DOCK10: variants seen among roughly 807,000 people sequenced by gnomAD.
DOCK10 encodes dedicator of cytokinesis 10.
In DOCK10, 145 loss-of-function variants were observed where a neutral mutation model predicts 280.1. That is an observed-to-expected ratio of 0.52 (90% CI 0.45 to 0.59). The LOEUF is 0.59. Among genes scored for constraint, DOCK10 ranks in the 20% least tolerant of loss-of-function variants. The pLI is 0.00. For synonymous variants in DOCK10, 915 were observed against 942.2 expected (o/e 0.97, Z 0.53); for missense variants, 2,368 against 2,651.7 (o/e 0.89, Z 2.35).
At chr2:224,955,850 T>A (rs1415650590) in intron 1 of DOCK10, among the ~76,000 whole-genome samples, 1 of 152,192 alleles carries the variant, frequency 6.6e-6, no homozygotes, top group Non-Finnish European at 1.5e-5. Context: ...CAAGAAGAAC[T>A]GAAATAGCAG....
intron 1 of DOCK10, among the ~76,000 whole-genome samples, chr2:224,946,413 AAAAT>A (rs1386584609): frequency 6.6e-6 from 1 of 152,200 alleles, no homozygotes; most frequent in East Asian, 1.9e-4. Context: ...TAAGAATTTT[AAAAT>A]AAATAATTAG....
chr2:224,770,278 T>G lies in DOCK10; in HGVS notation c.6377A>C (p.Tyr2126Ser). 6.2e-7 allele frequency: 1 copy of G among 1,605,842 alleles called. No homozygotes were observed. The highest frequency in any genetic ancestry group is 8.5e-7 in the Non-Finnish European group (1 of 1,176,174). Residue 2126 changes from tyrosine (Y) to serine (S), a missense_variant, in exon 55 of 56, where the codon TAC (tyrosine) becomes TCC (serine). Around this residue, in one of 2 missense-constraint regions of DOCK10, gnomAD observed 1,159 missense variants for 1,400.8 expected, o/e 0.83. Transcript: ENST00000258390. The surrounding 1 kb of genome is among the most constrained non-coding windows in gnomAD (Gnocchi z 4.5). ...ERLIKEDQLE[Y>S]QEELRSHYKD... ...GTAGTGGGACCTCAGTTCTTCCTGG[T>G]ACTCCAGCTGGTCCTCTTTGATGAG...
In DOCK10 at chr2:224,828,588, C is replaced by A. The variant is rs374158176; in HGVS notation, c.3036+1953G>T. On this transcript the variant is annotated intron_variant, in intron 27 of 55. Coordinates refer to ENST00000258390, the MANE Select transcript of DOCK10 (RefSeq NM_014689.3). Reference sequence around the variant, plus strand: ...CTAAGAAGGTGCTGGGGACCAATATCATTAAGAAGGTCAGGGGTGTTTCCC... The same window carrying A: ...CTAAGAAGGTGCTGGGGACCAATATAATTAAGAAGGTCAGGGGTGTTTCCC... Among the ~76,000 whole-genome samples the A allele has an allele frequency of 3.2e-4, 48 of 152,272 alleles. No homozygotes were observed. The South Asian group carries it at 8.5e-3, about 27-fold the overall frequency.
chr2:224,857,678 T>C (rs1697235017), intron 14 of DOCK10, among the ~76,000 whole-genome samples: 1 of 152,150 alleles, frequency 6.6e-6, no homozygotes, highest in Non-Finnish European at 1.5e-5. Flanking sequence ...TTGCTTCACA[T>C]AGGTACCATG....
At chr2:225,017,070 A>C (rs1458986796) in intron 1 of DOCK10, among the ~76,000 whole-genome samples, 2 of 148,636 alleles carry the variant, frequency 1.3e-5, no homozygotes, top group Non-Finnish European at 3.0e-5. Flanking sequence ...TTATATTTTT[A>C]AGTGTTGTAA....
At chr2:224,907,687 CAA>C (rs71062965) in intron 3 of DOCK10, among the ~76,000 whole-genome samples, 71,898 of 123,170 alleles carry the variant, frequency 0.58, 19,254 homozygotes, top group Admixed American at 0.65. Flanking sequence ...GACTCCACCT[CAA>C]AAAAAAAAAA....
intron 1 of DOCK10, among the ~76,000 whole-genome samples, chr2:225,038,222 A>G (rs930463376): frequency 4.6e-5 from 7 of 152,086 alleles, no homozygotes; most frequent in African/African-American, 1.7e-4. Context: ...ATTTGCTATC[A>G]CTTTCTGCAT....
At chr2:224,927,725 GT>G (rs1004733795) in intron 2 of DOCK10, among the ~76,000 whole-genome samples, 52 of 152,250 alleles carry the variant, frequency 3.4e-4, no homozygotes, top group African/African-American at 1.2e-3. Context: ...TGCTTTTCTT[GT>G]CAGTCTCACT....
intron 1 of DOCK10, among the ~76,000 whole-genome samples, chr2:224,937,369 G>A (rs1244972667): frequency 7.4e-6 from 1 of 134,868 alleles, no homozygotes; most frequent in Non-Finnish European, 1.7e-5. Context: ...GACAAATGTA[G>A]ATTTGTTTTT....
chr2:224,769,011 T>C (rs1690240717), intron 55 of DOCK10: 2 of 440,968 alleles, frequency 4.5e-6, no homozygotes, highest in Non-Finnish European at 9.0e-6. Flanking sequence ...GATTTACAGT[T>C]GGAGACAAGC....
At chr2:224,884,811 A>C (rs559434216) in intron 7 of DOCK10, among the ~76,000 whole-genome samples, 2 of 152,310 alleles carry the variant, frequency 1.3e-5, no homozygotes, top group South Asian at 4.1e-4. Flanking sequence ...CTTAATTATA[A>C]AATAACATAT....
At chr2:224,992,080 A>C (rs1046679533) in intron 1 of DOCK10, among the ~76,000 whole-genome samples, 3 of 152,228 alleles carry the variant, frequency 2.0e-5, no homozygotes, top group Non-Finnish European at 4.4e-5. Flanking sequence ...TCCAACAGCA[A>C]CTGCTTTTAA....
intron 1 of DOCK10, among the ~76,000 whole-genome samples, chr2:224,997,085 C>G (rs1706291762): frequency 6.6e-6 from 1 of 152,156 alleles, no homozygotes; most frequent in Non-Finnish European, 1.5e-5. Context: ...AAATTCTCAC[C>G]TCTAACTTCA....
intron 1 of DOCK10, among the ~76,000 whole-genome samples, chr2:224,960,761 A>C (rs1704322580): frequency 1.4e-5 from 1 of 73,734 alleles, no homozygotes; most frequent in African/African-American, 5.9e-5. Flanking sequence ...TTTTTTTGAG[A>C]TGGAGTTTCG....
intron 25 of DOCK10, among the ~76,000 whole-genome samples, chr2:224,835,599 G>T (rs1039333834): frequency 6.6e-6 from 1 of 152,208 alleles, no homozygotes; most frequent in African/African-American, 2.4e-5. Context: ...CCAATCACAG[G>T]ATGATAGAAC....
intron 50 of DOCK10, among the ~76,000 whole-genome samples, chr2:224,783,343 T>C (rs186830345): frequency 5.9e-5 from 9 of 151,856 alleles, no homozygotes; most frequent in East Asian, 1.9e-4. Flanking sequence ...GGCACGATCT[T>C]GGCTCACTGC....
chr2:224,816,371 C>A (rs1011365578), intron 30 of DOCK10, among the ~76,000 whole-genome samples: 28 of 151,952 alleles, frequency 1.8e-4, no homozygotes, highest in Admixed American at 9.2e-4. Context: ...TTTTGTTGGC[C>A]TTCTCTTTAA....
rs1252628058 is a variant in DOCK10 at position 224,873,931 on chromosome 2, G to T, written c.1257+65C>A. 8.5e-6 allele frequency: 13 copies of T among 1,520,676 alleles called. No homozygotes were observed. The Admixed American group carries it at 2.2e-4, about 25-fold the overall frequency. The allele number at this position is 1,520,676 out of a possible 1,614,324, so 94.2% of individuals were successfully genotyped here. ...GCCTGGAATTAGCAGGAATAGAAAAGATTTTTGACTAGGGTGGTGTAATGT... is the reference window on the plus strand; with the variant it reads ...GCCTGGAATTAGCAGGAATAGAAAATATTTTTGACTAGGGTGGTGTAATGT... On this transcript the variant is annotated intron_variant, in intron 11 of 55. Transcript: ENST00000258390.
chr2:224,832,085 T>C (rs1317752615), intron 26 of DOCK10, among the ~76,000 whole-genome samples: 1 of 152,202 alleles, frequency 6.6e-6, no homozygotes, highest in African/African-American at 2.4e-5. Context: ...TGTATATGTA[T>C]AGTTTCAAGA....
Sources: gnomAD v4.1 joint callset for allele counts (sites outside exome capture counted in the v4.1 genomes callset) on GRCh38, gnomAD v4.1.1 for gene constraint, gnomAD v4.1.1 regional missense constraint, Gnocchi (gnomAD v3.1) non-coding constraint, MANE v1.5 for transcripts, NCBI Gene and HGNC (gene_info 2026-07-23, HGNC 2026-07-21) for gene names.